The following INTS6 variants were observed in gnomAD, a reference collection of about 807,000 sequenced individuals.
INTS6 encodes integrator complex subunit 6.
A neutral mutation model predicts 104.9 loss-of-function variants in INTS6; 16 were observed. That is an observed-to-expected ratio of 0.15 (90% CI 0.10 to 0.23). The LOEUF is 0.23. Among genes scored for constraint, INTS6 ranks in the 10% least tolerant of loss-of-function variants. INTS6 has a pLI of 1.00. For synonymous variants in INTS6, 324 were observed against 358.7 expected, an observed-to-expected ratio of 0.90 and a Z score of 1.09; for missense variants, 584 against 1,062.8, an observed-to-expected ratio of 0.55 and a Z score of 6.26.
chr13:51,443,211 C>A (rs1952829853), intron 3 of INTS6: 1 of 152,122 alleles, frequency 6.6e-6, no homozygotes, highest in African/African-American at 2.4e-5. Flanking sequence ...AGCCTCTGAA[C>A]CTTTCTATGC....
chr13:51,365,908 T>A, intron 17 of INTS6, 63 bp from the exon 18 acceptor site: 1 of 941,544 alleles, frequency 1.1e-6, no homozygotes, highest in Non-Finnish European at 1.5e-6. Context: ...ATCAGTATAA[T>A]TTTTTTAAGA....
chr13:51,433,055 C>T (rs1375159439), intron 3 of INTS6, among the ~76,000 whole-genome samples: 1 of 152,176 alleles, frequency 6.6e-6, no homozygotes, highest in Non-Finnish European at 1.5e-5. Context: ...GACTTGGTGC[C>T]TTTCAAAAAA....
intron 3 of INTS6, chr13:51,450,264 C>A (rs1953008372): frequency 3.1e-6 from 3 of 967,704 alleles, no homozygotes; most frequent in Non-Finnish European, 3.7e-6. Context: ...GCAATAATAT[C>A]ATAAAATGTT....
At chr13:51,384,398 T>C in intron 7 of INTS6, 1 of 282,614 alleles carries the variant, frequency 3.5e-6, no homozygotes, top group South Asian at 3.4e-5. Context: ...TTCCTAAAAA[T>C]CTCACAAATT....
At chr13:51,389,985 CGT>C (rs1417218301) in intron 5 of INTS6, among the ~76,000 whole-genome samples, 3 of 151,982 alleles carry the variant, frequency 2.0e-5, no homozygotes. Flanking sequence ...CAGATGGTAG[CGT>C]GTGCTTTTCT....
intron 17 of INTS6, 30 bp downstream of exon 17, chr13:51,367,775 C>T (rs776308988): frequency 4.0e-6 from 5 of 1,255,796 alleles, no homozygotes; most frequent in Non-Finnish European, 1.1e-6. Context: ...CATTTCATCA[C>T]CATTTCATTA....
chr13:51,341,246 T>G, the INTS6 span: 1 of 1,614,008 alleles, frequency 6.2e-7, no homozygotes, highest in Non-Finnish European at 8.5e-7. Flanking sequence ...AACTTTGTCA[T>G]CTCTCCTGCT....
chr13:51,374,815 C>T lies in INTS6; in HGVS notation c.1730-19G>A. ...ACTTGATCTTTCAAAAAGAATACAA[C>T]AGCAAAAAAAGTTAACCTCCAATTA... On this transcript the variant is annotated intron_variant, in intron 13 of 17. Transcript: ENST00000311234. The T allele has an allele frequency of 2.5e-6, 4 of 1,606,164 alleles. No homozygotes were observed. Among genetic ancestry groups the T allele is most frequent in the East Asian group, 2.2e-5 (1 of 44,732 alleles).
downstream of INTS6, among the ~76,000 whole-genome samples, chr13:51,350,744 C>A (rs1406369795): frequency 6.6e-6 from 1 of 152,066 alleles, no homozygotes; most frequent in Non-Finnish European, 1.5e-5. Flanking sequence ...ATTCCAGAAC[C>A]TTTTCATCAC....
intron 12 of INTS6, 95 bp downstream of exon 12, chr13:51,378,144 C>A (rs1955970506): frequency 1.1e-6 from 1 of 886,038 alleles, no homozygotes; most frequent in Non-Finnish European, 1.9e-6. Flanking sequence ...TCTTTAAAGT[C>A]TGGATAAACT....
At chr13:51,451,196 T>A in intron 2 of INTS6, 22 bp from the exon 3 acceptor site, 2 of 1,522,208 alleles carry the variant, frequency 1.3e-6, no homozygotes, top group Non-Finnish European at 1.8e-6. Flanking sequence ...AATGTAAGAT[T>A]TTTTTTTTTC....
chr13:51,347,609 T>C, the INTS6 span, among the ~76,000 whole-genome samples: 1 of 152,196 alleles, frequency 6.6e-6, no homozygotes, highest in Non-Finnish European at 1.5e-5. Context: ...ATCCATGATT[T>C]TGCTTTTTTG....
intron 4 of INTS6, among the ~76,000 whole-genome samples, chr13:51,415,632 T>C (rs1956774454): frequency 1.3e-5 from 2 of 149,074 alleles, no homozygotes; most frequent in South Asian, 2.1e-4. Flanking sequence ...CCCAGCCATG[T>C]AGAACTTTAA....
At chr13:51,349,145 A>C (rs1955381600), downstream of INTS6, among the ~76,000 whole-genome samples, 1 of 152,132 alleles carries the variant, frequency 6.6e-6, no homozygotes, top group Non-Finnish European at 1.5e-5. Context: ...CCATTTTTTG[A>C]CCAGCATTAA....
intron 4 of INTS6, among the ~76,000 whole-genome samples, chr13:51,396,040 C>A (rs1175783124): frequency 1.3e-5 from 2 of 152,022 alleles, no homozygotes; most frequent in East Asian, 3.9e-4. Flanking sequence ...TCAGGTGACC[C>A]ACACGCCTCG....
chr13:51,432,465 A>C (rs1340109639), intron 3 of INTS6, among the ~76,000 whole-genome samples: 1 of 152,152 alleles, frequency 6.6e-6, no homozygotes, highest in Non-Finnish European at 1.5e-5. Context: ...TAAAAAAAAA[A>C]AAACACCATC....
At chr13:51,404,559 T>C (rs938131501) in intron 4 of INTS6, among the ~76,000 whole-genome samples, 1 of 152,070 alleles carries the variant, frequency 6.6e-6, no homozygotes, top group Admixed American at 6.6e-5. Flanking sequence ...GCTGGCACCA[T>C]AACAAACACT....
chr13:51,423,007 A>G, intron 4 of INTS6: 1 of 1,191,804 alleles, frequency 8.4e-7, no homozygotes, highest in Non-Finnish European at 1.1e-6. Flanking sequence ...ATCTTAATGT[A>G]TTACAAATGT....
chr13:51,347,309 T>C, the INTS6 span: 2 of 1,266,108 alleles, frequency 1.6e-6, no homozygotes, highest in Non-Finnish European at 2.3e-6. Flanking sequence ...GGAGGCCAGG[T>C]CCCTGCTCCT....
Sources: gnomAD v4.1 joint callset for allele counts (sites outside exome capture counted in the v4.1 genomes callset) on GRCh38, gnomAD v4.1.1 for gene constraint, MANE v1.5 for transcripts, NCBI Gene and HGNC (gene_info 2026-07-23, HGNC 2026-07-21) for gene names.